The following HS6ST3 variants were observed in gnomAD, a reference collection of about 807,000 sequenced individuals.
HS6ST3 encodes the protein heparan sulfate 6-O-sulfotransferase 3, also known as heparan-sulfate 6-O-sulfotransferase 3.
Under a neutral mutation model 36.7 loss-of-function variants are expected in HS6ST3, and 12 were observed. The observed-to-expected ratio is 0.33, with a 90% confidence interval of 0.21 to 0.53. HS6ST3 has a LOEUF of 0.53. Ranked by LOEUF, HS6ST3 falls within the 20% of genes least tolerant of loss-of-function variation. HS6ST3 has a pLI of 0.95. For missense variants in HS6ST3, 584 were observed against 640.9 expected (o/e 0.91, Z 0.96); for synonymous variants, 240 against 257.5 (o/e 0.93, Z 0.65).
At chr13:96,726,056 T>G (rs1438481170) in intron 1 of HS6ST3, among the ~76,000 whole-genome samples, 1 of 152,142 alleles carries the variant, frequency 6.6e-6, no homozygotes, top group African/African-American at 2.4e-5. Context: ...CAGGCTAGTC[T>G]CTAACTCCTG....
intron 1 of HS6ST3, among the ~76,000 whole-genome samples, chr13:96,666,360 G>C (rs1328288001): frequency 6.6e-6 from 1 of 152,108 alleles, no homozygotes; most frequent in Non-Finnish European, 1.5e-5. Context: ...AACCATATTA[G>C]TGCTCAATAT....
At chr13:96,398,194 A>G (rs182391450) in intron 1 of HS6ST3, among the ~76,000 whole-genome samples, 3 of 152,296 alleles carry the variant, frequency 2.0e-5, no homozygotes, top group East Asian at 3.9e-4. Flanking sequence ...GCTTTCTACT[A>G]TGTTTCTTGT....
At chr13:96,464,159 A>AT (rs1470854318) in intron 1 of HS6ST3, among the ~76,000 whole-genome samples, 4 of 149,762 alleles carry the variant, frequency 2.7e-5, no homozygotes. Context: ...AAAAAAAAAA[A>AT]AATCAAAGAT....
At chr13:96,348,667 C>G (rs372439674) in intron 1 of HS6ST3, among the ~76,000 whole-genome samples, 6 of 152,202 alleles carry the variant, frequency 3.9e-5, no homozygotes, top group African/African-American at 1.4e-4. Context: ...TATTTTGCCA[C>G]TCAGAGAGCT....
chr13:96,603,341 G>C (rs913716301), intron 1 of HS6ST3, among the ~76,000 whole-genome samples: 3 of 152,156 alleles, frequency 2.0e-5, no homozygotes, highest in Non-Finnish European at 4.4e-5. Flanking sequence ...ATTTGTTCTT[G>C]TCTTTGCCTT....
At chr13:96,435,569 C>T (rs1352652945) in intron 1 of HS6ST3, among the ~76,000 whole-genome samples, 2 of 152,102 alleles carry the variant, frequency 1.3e-5, no homozygotes, top group Non-Finnish European at 2.9e-5. Flanking sequence ...TATCTGTATC[C>T]CAACTAATCT....
At chr13:96,471,307 T>C (rs2055839168) in intron 1 of HS6ST3, among the ~76,000 whole-genome samples, 1 of 152,210 alleles carries the variant, frequency 6.6e-6, no homozygotes, top group East Asian at 1.9e-4. Flanking sequence ...ATTTTTTTCC[T>C]TCTATAGACC....
At position 96,830,842 on chromosome 13, in the gene HS6ST3, C is replaced by G. The variant is rs561750761; in HGVS notation, c.708-1648C>G. On this transcript the variant is annotated intron_variant, in intron 1 of 1. Transcript: ENST00000376705. The stretch of plus-strand genomic sequence containing the variant: ...ATCTACCCTATATTTCTGGAGCTGG[C>G]CCCCCTCAACGAGCCAAGGACTGAA... Among the ~76,000 whole-genome samples, 5 of 152,266 alleles carry G rather than the reference C, an allele frequency of 3.3e-5. No homozygotes were observed. In the South Asian group the frequency reaches 1.0e-3, roughly 32 times the overall value.
At chr13:96,812,667 T>C (rs773041804) in intron 1 of HS6ST3, among the ~76,000 whole-genome samples, 3 of 152,208 alleles carry the variant, frequency 2.0e-5, no homozygotes, top group Non-Finnish European at 2.9e-5. Flanking sequence ...AGCTTTGAGA[T>C]CTTTGTTACT....
intron 1 of HS6ST3, among the ~76,000 whole-genome samples, chr13:96,228,000 C>T (rs1036167785): frequency 7.9e-5 from 12 of 152,240 alleles, no homozygotes; most frequent in African/African-American, 2.9e-4. Flanking sequence ...ATGTTGAGGG[C>T]ATATTTTAAC....
At chr13:96,582,596 G>A (rs1361338142) in intron 1 of HS6ST3, among the ~76,000 whole-genome samples, 1 of 152,148 alleles carries the variant, frequency 6.6e-6, no homozygotes, top group Non-Finnish European at 1.5e-5. Flanking sequence ...CCTGAAGCAA[G>A]TTGGAGATTT....
chr13:96,830,164 A>T (rs2138548646), intron 1 of HS6ST3, among the ~76,000 whole-genome samples: 1 of 152,338 alleles, frequency 6.6e-6, no homozygotes, highest in South Asian at 2.1e-4. Flanking sequence ...GACTAATACA[A>T]GTATTCCAAG....
chr13:96,509,467 T>G (rs1401960060), intron 1 of HS6ST3, among the ~76,000 whole-genome samples: 1 of 152,192 alleles, frequency 6.6e-6, no homozygotes, highest in East Asian at 1.9e-4. Flanking sequence ...ATAGAATGTT[T>G]ATAGTTTCAC....
intron 1 of HS6ST3, among the ~76,000 whole-genome samples, chr13:96,765,060 C>CTTTTTTTTT (rs11423735): frequency 4.3e-5 from 4 of 93,912 alleles, no homozygotes; most frequent in African/African-American, 8.6e-5. Context: ...TTGTTTCTTT[C>CTTTTTTTTT]TTTTTTTTTT....
intron 1 of HS6ST3, among the ~76,000 whole-genome samples, chr13:96,824,841 A>G (rs1310564563): frequency 6.6e-6 from 1 of 152,184 alleles, no homozygotes; most frequent in Non-Finnish European, 1.5e-5. Context: ...CTATATATTT[A>G]TTCACTCCAC....
At chr13:96,427,071 T>G (rs1297279322) in intron 1 of HS6ST3, among the ~76,000 whole-genome samples, 1 of 152,198 alleles carries the variant, frequency 6.6e-6, no homozygotes, top group Non-Finnish European at 1.5e-5. Context: ...CCCAGGTGAT[T>G]CCAATATTTG....
chr13:96,704,688 G>A (rs1875374202), intron 1 of HS6ST3, among the ~76,000 whole-genome samples: 1 of 152,154 alleles, frequency 6.6e-6, no homozygotes, highest in Admixed American at 6.5e-5. Context: ...AGGTATGAGG[G>A]AATGGGATGA....
At chr13:96,381,853 A>G (rs2055343234) in intron 1 of HS6ST3, among the ~76,000 whole-genome samples, 1 of 152,206 alleles carries the variant, frequency 6.6e-6, no homozygotes, top group Non-Finnish European at 1.5e-5. Context: ...AACACCAGAC[A>G]TTAGACAGGC....
At position 96,464,947 on chromosome 13, in the gene HS6ST3, CGTGTGT is replaced by C. The variant is rs71113997; in HGVS notation, c.708-367507_708-367502del. Among the ~76,000 whole-genome samples the C allele has an allele frequency of 5.0e-3, 725 of 145,400 alleles. 4 individuals carry two copies. Among genetic ancestry groups the C allele is most frequent in the Admixed American group, 0.012 (171 of 14,450 alleles). ...TATCTACTATATTGGCAAGATGCTT[CGTGTGT>C]GTGTGTGTGTGTGTGTGTGTGTGTG... On this transcript the variant is annotated intron_variant, in intron 1 of 1. Coordinates refer to ENST00000376705, the MANE Select transcript of HS6ST3 (RefSeq NM_153456.4).
Sources: gnomAD v4.1 joint callset for allele counts (sites outside exome capture counted in the v4.1 genomes callset) on GRCh38, gnomAD v4.1.1 for gene constraint, MANE v1.5 for transcripts, NCBI Gene and HGNC (gene_info 2026-07-23, HGNC 2026-07-21) for gene names.